Variants in PAPPA2 observed in about 807,000 individuals in gnomAD.
The protein encoded by PAPPA2 is pappalysin-2.
PAPPA2 carries 86 observed loss-of-function variants against 176.4 expected under a neutral mutation model. That is an observed-to-expected ratio of 0.49 (90% confidence interval 0.41 to 0.58). PAPPA2 has a LOEUF of 0.58. Ranked by LOEUF, PAPPA2 falls within the 20% of genes least tolerant of loss-of-function variation. The probability of loss-of-function intolerance (pLI) is 0.00; values close to 1 mark genes in which losing one functional copy is unlikely to be tolerated. For missense variants in PAPPA2, 2,073 were observed against 2,256.9 expected, an observed-to-expected ratio of 0.92 and a Z score of 1.65; for synonymous variants, 809 against 852.2, an observed-to-expected ratio of 0.95 and a Z score of 0.88.
At chr1:176,802,347 T>C (rs1335476190) in intron 21 of PAPPA2, among the ~76,000 whole-genome samples, 1 of 151,520 alleles carries the variant, frequency 6.6e-6, no homozygotes, top group Non-Finnish European at 1.5e-5. Context: ...AAATAAGTAA[T>C]AAAAAATGCA....
intron 12 of PAPPA2, among the ~76,000 whole-genome samples, chr1:176,731,720 CAT>C (rs1468081242): frequency 2.0e-5 from 3 of 151,316 alleles, no homozygotes; most frequent in African/African-American, 4.9e-5. Context: ...TATATACACA[CAT>C]ATATGTGTAC....
At chr1:176,765,628 C>A (rs1347296870) in intron 14 of PAPPA2, 38 bp from the exon 15 acceptor site, 2 of 1,592,874 alleles carry the variant, frequency 1.3e-6, no homozygotes, top group South Asian at 2.3e-5. Flanking sequence ...TACTGGTTCT[C>A]AACCAGTCCT....
intron 17 of PAPPA2, among the ~76,000 whole-genome samples, chr1:176,778,638 G>A (rs1438084882): frequency 6.6e-6 from 1 of 152,180 alleles, no homozygotes; most frequent in South Asian, 2.1e-4. Flanking sequence ...GTTAAGCTCT[G>A]TGTCATAGCG....
chr1:176,745,225 G>A (rs1344113945), intron 14 of PAPPA2, among the ~76,000 whole-genome samples: 2 of 152,178 alleles, frequency 1.3e-5, no homozygotes, highest in African/African-American at 2.4e-5. Context: ...GACAATGCAG[G>A]AGGAGGGGTT....
At chr1:176,477,397 A>G (rs1652177588) in intron 1 of PAPPA2, among the ~76,000 whole-genome samples, 1 of 152,220 alleles carries the variant, frequency 6.6e-6, no homozygotes, top group Admixed American at 6.5e-5. Flanking sequence ...ATGCAACACT[A>G]CTTACTCTAA....
intron 1 of PAPPA2, among the ~76,000 whole-genome samples, chr1:176,493,389 C>A (rs1284425712): frequency 1.3e-5 from 2 of 152,146 alleles, no homozygotes; most frequent in Non-Finnish European, 2.9e-5. Flanking sequence ...ACAGCAACCT[C>A]CACTCATTAA....
At chr1:176,514,351 G>A (rs1392755566) in intron 1 of PAPPA2, among the ~76,000 whole-genome samples, 2 of 152,112 alleles carry the variant, frequency 1.3e-5, no homozygotes, top group African/African-American at 4.8e-5. Flanking sequence ...TAGTTACCAT[G>A]GGGAGGGCAC....
At chr1:176,813,469 A>G (rs1666256591) in intron 21 of PAPPA2, among the ~76,000 whole-genome samples, 1 of 152,198 alleles carries the variant, frequency 6.6e-6, no homozygotes, top group African/African-American at 2.4e-5. Context: ...TTTACTTTTT[A>G]ATAATAGCCA....
chr1:176,609,185 G>T (rs1005773121), intron 3 of PAPPA2, among the ~76,000 whole-genome samples: 1 of 152,156 alleles, frequency 6.6e-6, no homozygotes, highest in African/African-American at 2.4e-5. Context: ...AGAAGAATTA[G>T]ATTATGGTTT....
chr1:176,731,678 T>TGTATACACAC (rs1662153151), intron 12 of PAPPA2, among the ~76,000 whole-genome samples: 19 of 151,544 alleles, frequency 1.3e-4, no homozygotes, highest in African/African-American at 4.1e-4. Context: ...CATATATGTG[T>TGTATACACAC]ATATATACAT....
intron 21 of PAPPA2, among the ~76,000 whole-genome samples, chr1:176,838,250 C>T (rs1443744845): frequency 6.6e-6 from 1 of 152,118 alleles, no homozygotes; most frequent in Non-Finnish European, 1.5e-5. Flanking sequence ...CCTTGGGATC[C>T]TTTACTAACC....
At chr1:176,766,874 C>T (rs1360913684) in intron 15 of PAPPA2, among the ~76,000 whole-genome samples, 1 of 151,522 alleles carries the variant, frequency 6.6e-6, no homozygotes, top group Non-Finnish European at 1.5e-5. Flanking sequence ...GGACATACAA[C>T]TGTTAGCTAG....
rs563429411 is a variant in PAPPA2 at position 176,699,097 on chromosome 1, C to A, written c.2747-3C>A. On this transcript the variant is annotated splice_region_variant and splice_polypyrimidine_tract_variant and intron_variant, in intron 7 of 22. Coordinates refer to ENST00000367662, the MANE Select transcript of PAPPA2 (RefSeq NM_020318.3). ...ATGTATCTTTCTGCTAATCTCCCCC[C>A]AGGGCCTCCTGATGTGGATCAGCCC... is the stretch of plus-strand genomic sequence containing the variant. 6.2e-7 allele frequency: 1 copy of A among 1,607,288 alleles called. No homozygotes were observed. Among genetic ancestry groups the A allele is most frequent in the Non-Finnish European group, 8.5e-7 (1 of 1,175,298 alleles).
At chr1:176,599,248 C>T (rs1419610515) in intron 3 of PAPPA2, among the ~76,000 whole-genome samples, 3 of 151,880 alleles carry the variant, frequency 2.0e-5, no homozygotes, top group African/African-American at 7.3e-5. Flanking sequence ...CTTTTAGCAT[C>T]TTATCCTTAG....
At chr1:176,466,428 C>T (rs1315694421) in intron 1 of PAPPA2, among the ~76,000 whole-genome samples, 1 of 152,098 alleles carries the variant, frequency 6.6e-6, no homozygotes, top group Non-Finnish European at 1.5e-5. Context: ...GAGTAGTTAC[C>T]TCCAGGTACA....
intron 3 of PAPPA2, among the ~76,000 whole-genome samples, chr1:176,639,236 C>T (rs2102723373): frequency 6.6e-6 from 1 of 151,804 alleles, no homozygotes; most frequent in South Asian, 2.1e-4. Flanking sequence ...CTTTTTGTTC[C>T]AAATACTAGA....
In PAPPA2 at chr1:176,711,804, C is replaced by A. The variant is rs368621503; in HGVS notation, c.3652-31C>A. ...CTTACTTATATCTTCACACTCCACA[C>A]TTCAAATTGTTGGTTGAAATTGTAT... On this transcript the variant is annotated intron_variant, in intron 11 of 22. Coordinates refer to ENST00000367662, the MANE Select transcript of PAPPA2 (RefSeq NM_020318.3). 21 of 1,584,222 alleles carry A rather than the reference C, an allele frequency of 1.3e-5. No homozygotes were observed. The South Asian group carries it at 2.1e-4, about 16-fold the overall frequency.
At chr1:176,756,983 T>C (rs1304491395) in intron 14 of PAPPA2, among the ~76,000 whole-genome samples, 1 of 152,242 alleles carries the variant, frequency 6.6e-6, no homozygotes, top group Non-Finnish European at 1.5e-5. Context: ...TTGTGGTATT[T>C]TGCTGAGAAT....
chr1:176,580,504 T>C (rs916384462), intron 2 of PAPPA2, among the ~76,000 whole-genome samples: 1 of 152,196 alleles, frequency 6.6e-6, no homozygotes, highest in Admixed American at 6.5e-5. Context: ...TGCCCAGTAA[T>C]AGGATTGCTG....
Sources: gnomAD v4.1 joint callset for allele counts (sites outside exome capture counted in the v4.1 genomes callset) on GRCh38, gnomAD v4.1.1 for gene constraint, MANE v1.5 for transcripts, NCBI Gene and HGNC (gene_info 2026-07-23, HGNC 2026-07-21) for gene names.